BRDT: variants seen among roughly 807,000 people sequenced by gnomAD.
BRDT encodes bromodomain testis-specific protein.
Under a neutral mutation model 113.9 loss-of-function variants are expected in BRDT, and 77 were observed. That is an observed-to-expected ratio of 0.68 (90% CI 0.56 to 0.82). The LOEUF is 0.82. BRDT is among the 40% of genes least tolerant of loss of function. The probability of loss-of-function intolerance (pLI) is 0.00; values close to 1 mark genes in which losing one functional copy is unlikely to be tolerated. For missense variants in BRDT, 1,027 were observed against 1,105.4 expected, an observed-to-expected ratio of 0.93 and a Z score of 1.01; for synonymous variants, 358 against 366.5, an observed-to-expected ratio of 0.98 and a Z score of 0.26.
chr1:92,000,184 CCA>C (rs1431208039), intron 15 of BRDT, among the ~76,000 whole-genome samples: 4 of 152,198 alleles, frequency 2.6e-5, no homozygotes, highest in Non-Finnish European at 5.9e-5. Flanking sequence ...AGTCTGGTCC[CCA>C]GATTTTAATC....
At chr1:92,006,014 T>G (rs543637267) in intron 18 of BRDT, among the ~76,000 whole-genome samples, 1 of 152,382 alleles carries the variant, frequency 6.6e-6, no homozygotes, top group Non-Finnish European at 1.5e-5. Flanking sequence ...CAGAAGTGTT[T>G]AGTTTCCAGA....
chr1:91,981,118 C>T lies in BRDT; in HGVS notation c.1690C>T (p.Leu564=). 1 of 1,613,470 alleles carries T rather than the reference C, an allele frequency of 6.2e-7. No individual in the cohort carries two copies. Among genetic ancestry groups the T allele is most frequent in the Non-Finnish European group, 8.5e-7 (1 of 1,179,888 alleles). Residue 564 remains leucine, a synonymous_variant, in exon 10 of 19, where the codon CTA becomes TTA. Coordinates refer to ENST00000399546, the MANE Select transcript of BRDT (RefSeq NM_207189.4). Reference sequence around the variant, plus strand: ...CTTTGAAACACTGAAAGCATCAACACTAAGAGAATTAGAAAAATATGTTTC... The same window carrying T: ...CTTTGAAACACTGAAAGCATCAACATTAAGAGAATTAGAAAAATATGTTTC... ...IDFETLKAST[L]RELEKYVSAC... is the part of the protein sequence containing the mutation.
At chr1:91,993,936 A>G in intron 14 of BRDT, 147 bp from the exon 15 acceptor site, 1 of 687,254 alleles carries the variant, frequency 1.5e-6, no homozygotes, top group South Asian at 2.9e-5. Flanking sequence ...AGGGATAACT[A>G]TACATTATAG....
intron 4 of BRDT, among the ~76,000 whole-genome samples, chr1:91,969,345 T>TTC (rs1342877637): frequency 1.3e-5 from 2 of 151,648 alleles, no homozygotes; most frequent in South Asian, 2.1e-4. Flanking sequence ...TTGATTTTTT[T>TTC]TTTTTGAGGT....
chr1:91,984,481 T>C (rs1237002297), intron 12 of BRDT, among the ~76,000 whole-genome samples: 3 of 152,196 alleles, frequency 2.0e-5, no homozygotes, highest in Admixed American at 6.5e-5. Flanking sequence ...GCAAATTCTA[T>C]GTCAAAGTTT....
intron 1 of BRDT, among the ~76,000 whole-genome samples, chr1:91,951,310 A>T (rs1681051243): frequency 6.6e-6 from 1 of 152,184 alleles, no homozygotes; most frequent in Non-Finnish European, 1.5e-5. Context: ...TGCATAATTT[A>T]TGTGGTGACT....
chr1:91,999,249 C>T (rs1044509338), intron 15 of BRDT, among the ~76,000 whole-genome samples: 4 of 152,206 alleles, frequency 2.6e-5, no homozygotes, highest in East Asian at 1.9e-4. Context: ...ATATAAGCTT[C>T]GGTGGCTCAC....
rs972947073 is a variant in BRDT, at chr1:91,989,128, C to T, written c.2003-2056C>T. Among the ~76,000 whole-genome samples, 12 of 151,638 alleles carry T rather than the reference C, an allele frequency of 7.9e-5. No individual in the cohort carries two copies. In the East Asian group the frequency reaches 2.1e-3, roughly 27 times the overall value. ...TGCTAAGTTTTATAATAATTTTGAG[C>T]CTAGTTTTATGTATTAGAAAACTAA... On this transcript the variant is annotated intron_variant, in intron 12 of 18. Coordinates refer to ENST00000399546, the MANE Select transcript of BRDT (RefSeq NM_207189.4).
intron 18 of BRDT, 74 bp downstream of exon 18, chr1:92,005,373 C>A: frequency 7.6e-7 from 1 of 1,323,370 alleles, no homozygotes; most frequent in Non-Finnish European, 9.9e-7. Flanking sequence ...TTTGTATGTT[C>A]AAGGATGCAT....
intron 12 of BRDT, among the ~76,000 whole-genome samples, chr1:91,989,910 A>G (rs1380621739): frequency 6.6e-6 from 1 of 152,252 alleles, no homozygotes; most frequent in Non-Finnish European, 1.5e-5. Context: ...TAACACATCC[A>G]GTGGAAACTG....
intron 15 of BRDT, among the ~76,000 whole-genome samples, chr1:91,998,932 A>G (rs1481691513): frequency 1.3e-5 from 2 of 152,184 alleles, no homozygotes; most frequent in African/African-American, 4.8e-5. Context: ...CCAGGTTTAG[A>G]TCATTTAACC....
At chr1:91,954,138 AT>A (rs1681457691) in intron 1 of BRDT, among the ~76,000 whole-genome samples, 1 of 151,550 alleles carries the variant, frequency 6.6e-6, no homozygotes, top group African/African-American at 2.4e-5. Context: ...CACCTGGCAA[AT>A]TTTTGTATTT....
chr1:91,976,494 C>A (rs761606168), intron 5 of BRDT, 56 bp downstream of exon 5: 1 of 1,419,622 alleles, frequency 7.0e-7, no homozygotes, highest in South Asian at 1.6e-5. Context: ...TTTTTTTTTC[C>A]ATTTATAGGA....
chr1:91,979,866 G>C, intron 8 of BRDT, 109 bp downstream of exon 8: 1 of 987,304 alleles, frequency 1.0e-6, no homozygotes, highest in Non-Finnish European at 1.4e-6. Context: ...TCATAACTGT[G>C]GCTTTATTTA....
chr1:91,984,036 A>G (rs534557241), intron 12 of BRDT, among the ~76,000 whole-genome samples: 18 of 152,322 alleles, frequency 1.2e-4, no homozygotes, highest in Middle Eastern at 3.4e-3. Context: ...CACAAGGTCA[A>G]TTTGTCTTCT....
At chr1:91,983,455 C>T (rs534938235) in intron 12 of BRDT, among the ~76,000 whole-genome samples, 4 of 151,896 alleles carry the variant, frequency 2.6e-5, no homozygotes, top group South Asian at 4.2e-4. Context: ...GGGGTTTCAC[C>T]GTGTTAGCCA....
intron 4 of BRDT, among the ~76,000 whole-genome samples, chr1:91,974,880 C>G (rs960403713): frequency 1.3e-5 from 2 of 152,144 alleles, no homozygotes; most frequent in Non-Finnish European, 2.9e-5. Flanking sequence ...TTGGAACCAA[C>G]CCAAATGTCC....
intron 13 of BRDT, among the ~76,000 whole-genome samples, 166 bp downstream of exon 13, chr1:91,991,411 G>A (rs1022962830): frequency 2.0e-5 from 3 of 152,102 alleles, no homozygotes; most frequent in African/African-American, 4.8e-5. Context: ...GAAGAAAACC[G>A]AATAGGGAAG....
intron 4 of BRDT, 98 bp from the exon 5 acceptor site, chr1:91,976,168 G>T: frequency 8.0e-7 from 1 of 1,247,532 alleles, no homozygotes; most frequent in Non-Finnish European, 1.1e-6. Flanking sequence ...TGCTTATATT[G>T]CTAAAAAGCT....
Sources: allele counts gnomAD v4.1 joint callset (sites outside exome capture counted in the v4.1 genomes callset), GRCh38; gene constraint gnomAD v4.1.1; transcripts MANE v1.5; gene names NCBI Gene and HGNC (gene_info 2026-07-23, HGNC 2026-07-21).